Variants in RBFOX1 observed in about 807,000 individuals in gnomAD.
The protein encoded by RBFOX1 is RNA binding protein fox-1 homolog 1.
In RBFOX1, 8 loss-of-function variants were observed where a neutral mutation model predicts 57.7. That is an observed-to-expected ratio of 0.14 (90% CI 0.08 to 0.25). The LOEUF (loss-of-function observed/expected upper bound fraction) is 0.25. Ranked by LOEUF, RBFOX1 falls within the 10% of genes least tolerant of loss-of-function variation. RBFOX1 has a pLI of 1.00. For missense variants in RBFOX1, 611 were observed against 548.5 expected (o/e 1.11, Z -1.14); for synonymous variants, 326 against 222.4 (o/e 1.47, Z -4.15).
At chr16:6,561,107 C>T (rs993862051) in intron 2 of RBFOX1, among the ~76,000 whole-genome samples, 1 of 152,136 alleles carries the variant, frequency 6.6e-6, no homozygotes, top group African/African-American at 2.4e-5. Flanking sequence ...AATTTGCAGT[C>T]TATGAACTTT....
At chr16:6,891,338 T>C (rs1313133227) in intron 3 of RBFOX1, among the ~76,000 whole-genome samples, 3 of 152,216 alleles carry the variant, frequency 2.0e-5, no homozygotes, top group African/African-American at 7.2e-5. Flanking sequence ...GAGTAGTTAA[T>C]CTACTTGCCC....
intron 1 of RBFOX1, among the ~76,000 whole-genome samples, chr16:6,315,463 G>A (rs1364133801): frequency 6.6e-6 from 1 of 151,004 alleles, no homozygotes; most frequent in African/African-American, 2.4e-5. Context: ...ATCGGTGGAT[G>A]GGTGGATGGG....
At chr16:6,841,975 A>T (rs1011381703) in intron 3 of RBFOX1, among the ~76,000 whole-genome samples, 2 of 40,056 alleles carry the variant, frequency 5.0e-5, no homozygotes, top group African/African-American at 4.5e-4. Flanking sequence ...CGTCTCTATT[A>T]AAAAAAAAAT....
chr16:6,876,381 CT>C (rs2061850978), intron 3 of RBFOX1, among the ~76,000 whole-genome samples: 1 of 151,800 alleles, frequency 6.6e-6, no homozygotes. Flanking sequence ...CATCCAACCC[CT>C]GAAATGAGCC....
intron 4 of RBFOX1, among the ~76,000 whole-genome samples, chr16:7,465,523 TGGAAA>T (rs1309472231): frequency 6.6e-6 from 1 of 152,216 alleles, no homozygotes. Flanking sequence ...CCCAAGTCCA[TGGAAA>T]GCACTGCCTG....
Position 6,736,442 on chromosome 16 carries a change from G to A in RBFOX1, c.-16+81792G>A, listed in dbSNP as rs1308757628. Among the ~76,000 whole-genome samples, 4 of 152,140 alleles carry A rather than the reference G, an allele frequency of 2.6e-5. No individual in the cohort carries two copies. In the South Asian group the frequency reaches 8.3e-4, roughly 31 times the overall value. On this transcript the variant is annotated intron_variant, in intron 3 of 15. Transcript: ENST00000550418. Reference sequence around the variant, plus strand: ...CCATTCCTGAGTTACATCACTTAGAGTAATAGTCTCTAATCTCATCCATGT... The same window carrying A: ...CCATTCCTGAGTTACATCACTTAGAATAATAGTCTCTAATCTCATCCATGT...
intron 3 of RBFOX1, among the ~76,000 whole-genome samples, chr16:5,661,091 G>A (rs904746979): frequency 7.9e-5 from 12 of 152,152 alleles, no homozygotes; most frequent in African/African-American, 2.7e-4. Context: ...TCTTCCTCCT[G>A]AGATTGGGAA....
At chr16:6,068,419 C>T (rs1336036534) in intron 1 of RBFOX1, among the ~76,000 whole-genome samples, 2 of 152,162 alleles carry the variant, frequency 1.3e-5, no homozygotes, top group African/African-American at 2.4e-5. Flanking sequence ...CAAAAGCCTA[C>T]CTAGAGTTGT....
At chr16:7,138,685 C>G (rs1303405743) in intron 4 of RBFOX1, among the ~76,000 whole-genome samples, 1 of 152,190 alleles carries the variant, frequency 6.6e-6, no homozygotes, top group Non-Finnish European at 1.5e-5. Context: ...GCCTAATCAT[C>G]TACCTTCATC....
At chr16:6,686,586 A>G (rs565033297) in intron 3 of RBFOX1, among the ~76,000 whole-genome samples, 6 of 152,324 alleles carry the variant, frequency 3.9e-5, no homozygotes, top group East Asian at 1.9e-4. Flanking sequence ...ACATTCTTCA[A>G]TAGGGGTGAG....
chr16:7,139,884 T>A (rs1374101658), intron 4 of RBFOX1, among the ~76,000 whole-genome samples: 1 of 151,754 alleles, frequency 6.6e-6, no homozygotes, highest in Non-Finnish European at 1.5e-5. Flanking sequence ...TAGGATGGGG[T>A]GAGCTTGTAA....
At chr16:6,620,599 C>T (rs544664452) in intron 2 of RBFOX1, among the ~76,000 whole-genome samples, 86 of 151,610 alleles carry the variant, frequency 5.7e-4, no homozygotes, top group African/African-American at 2.4e-4. Flanking sequence ...ACAAAACAAA[C>T]GATTAGCTAG....
intron 2 of RBFOX1, among the ~76,000 whole-genome samples, chr16:6,457,685 A>G (rs1356617014): frequency 6.6e-6 from 1 of 152,274 alleles, no homozygotes; most frequent in East Asian, 1.9e-4. Flanking sequence ...TCTTTGAGGC[A>G]CAGGAGTAGG....
At chr16:6,362,960 G>C (rs1171055719) in intron 2 of RBFOX1, among the ~76,000 whole-genome samples, 3 of 152,160 alleles carry the variant, frequency 2.0e-5, no homozygotes, top group African/African-American at 7.2e-5. Context: ...AGGTTGTACA[G>C]CCTGCCACCT....
At chr16:7,105,818 T>G (rs2063489361) in intron 4 of RBFOX1, among the ~76,000 whole-genome samples, 1 of 152,108 alleles carries the variant, frequency 6.6e-6, no homozygotes, top group Admixed American at 6.6e-5. Context: ...CACAGGTTCT[T>G]TATCCACTCA....
At chr16:5,507,671 G>T (rs2043424889) in intron 2 of RBFOX1, among the ~76,000 whole-genome samples, 1 of 152,186 alleles carries the variant, frequency 6.6e-6, no homozygotes, top group Non-Finnish European at 1.5e-5. Flanking sequence ...TACTGGAGTG[G>T]GGTGGGTCTT....
intron 4 of RBFOX1, among the ~76,000 whole-genome samples, chr16:7,244,318 T>G (rs1275143064): frequency 6.6e-6 from 1 of 151,400 alleles, no homozygotes; most frequent in Non-Finnish European, 1.5e-5. Flanking sequence ...TGAGATTATC[T>G]TGATCTTGAA....
intron 3 of RBFOX1, among the ~76,000 whole-genome samples, chr16:5,787,938 A>G (rs1042949186): frequency 2.0e-5 from 3 of 152,246 alleles, no homozygotes; most frequent in Admixed American, 1.3e-4. Context: ...CAGAGACAAG[A>G]GAGAGGCAGA....
intron 1 of RBFOX1, among the ~76,000 whole-genome samples, chr16:6,259,279 G>A (rs2097687339): frequency 6.6e-6 from 1 of 151,998 alleles, no homozygotes; most frequent in Non-Finnish European, 1.5e-5. Flanking sequence ...TGTTTCATTT[G>A]CCACATGCTT....
Sources: allele counts gnomAD v4.1 joint callset (sites outside exome capture counted in the v4.1 genomes callset), GRCh38; gene constraint gnomAD v4.1.1; transcripts MANE v1.5; gene names NCBI Gene and HGNC (gene_info 2026-07-23, HGNC 2026-07-21).